Variants in BPIFC observed in about 807,000 individuals in gnomAD.
BPIFC encodes the protein BPI fold-containing family C protein.
A neutral mutation model predicts 57.6 loss-of-function variants in BPIFC; 60 were observed. The ratio of observed to expected loss-of-function variants is 1.04; its 90% CI spans 0.85 to 1.29. The LOEUF is 1.29. Among genes scored for constraint, BPIFC ranks in the 50% most tolerant of loss-of-function variants. BPIFC has a pLI of 0.00. For synonymous variants in BPIFC, 243 were observed against 224.5 expected (o/e 1.08, Z -0.74); for missense variants, 581 against 600.5 (o/e 0.97, Z 0.34).
intron 1 of BPIFC, among the ~76,000 whole-genome samples, chr22:32,464,051 T>C (rs1935211967): frequency 6.6e-6 from 1 of 152,142 alleles, no homozygotes; most frequent in Non-Finnish European, 1.5e-5. Context: ...CCCTCTGAAA[T>C]GGAGGCAAAA....
chr22:32,447,438 G>T, intron 4 of BPIFC, 98 bp from the exon 5 acceptor site: 1 of 1,430,882 alleles, frequency 7.0e-7, no homozygotes. Context: ...TACCATTGAG[G>T]CCATTGTGAA....
In BPIFC at chr22:32,416,058, AAG is replaced by A. The variant is rs1397866204; in HGVS notation, c.1325-69_1325-68del. On this transcript the variant is annotated intron_variant, in intron 15 of 16. Coordinates refer to ENST00000300399, the MANE Select transcript of BPIFC (RefSeq NM_174932.3). ...CAGAGGTTTTAGCAAGCTTTTTAGT[AAG>A]AGACTGACTGACAGCTTGCTTTTTT... 7.0e-6 allele frequency: 7 copies of A among 1,000,520 alleles called. No individual in the cohort carries two copies. In the African/African-American group the frequency reaches 1.2e-4, roughly 18 times the overall value. The allele number at this position is 1,000,520 out of a possible 1,614,324, so 62.0% of individuals were successfully genotyped here. A position where few individuals can be genotyped will look rare whatever the true frequency, so the allele number is the denominator to read the frequency against.
intron 4 of BPIFC, among the ~76,000 whole-genome samples, chr22:32,451,681 G>T (rs1934899652): frequency 6.6e-6 from 1 of 151,772 alleles, no homozygotes; most frequent in South Asian, 2.1e-4. Flanking sequence ...ATGTACCCTA[G>T]AACTTAAAGT....
intron 7 of BPIFC, among the ~76,000 whole-genome samples, chr22:32,443,986 G>A (rs1030471857): frequency 2.4e-4 from 37 of 152,108 alleles, no homozygotes; most frequent in African/African-American, 8.2e-4. Context: ...TTGCATAGCC[G>A]GGATTTGAAC....
intron 8 of BPIFC, among the ~76,000 whole-genome samples, chr22:32,438,659 G>A (rs970748849): frequency 6.6e-6 from 1 of 152,014 alleles, no homozygotes; most frequent in Non-Finnish European, 1.5e-5. Flanking sequence ...CCCAAAGTAC[G>A]GGGATTACAG....
In BPIFC at chr22:32,413,988, T is replaced by C; in HGVS notation, c.*315A>G. On this transcript the variant is annotated 3_prime_UTR_variant, in exon 17 of 17. Transcript: ENST00000300399. Reference sequence around the variant, plus strand: ...GAGAATGACCAATACAAATACAGACTTAGAGTTGCTTACCCACCTGGTCAG... The same window carrying C: ...GAGAATGACCAATACAAATACAGACCTAGAGTTGCTTACCCACCTGGTCAG... 5.2e-6 allele frequency: 1 copy of C among 193,824 alleles called. No individual in the cohort carries two copies. Among genetic ancestry groups the C allele is most frequent in the Non-Finnish European group, 1.0e-5 (1 of 95,582 alleles). The allele number at this position is 193,824 out of a possible 1,614,324, so 12.0% of individuals were successfully genotyped here.
chr22:32,453,300 G>A (rs1458009797), intron 4 of BPIFC, 83 bp downstream of exon 4: 2 of 987,382 alleles, frequency 2.0e-6, no homozygotes, highest in Admixed American at 3.2e-5. Flanking sequence ...GGATTCTGAT[G>A]AAATCGTGGG....
rs1934336440 is a variant in BPIFC, at chr22:32,434,415, T to C, written c.925-643A>G. On this transcript the variant is annotated intron_variant, in intron 10 of 16. Coordinates refer to ENST00000300399, the MANE Select transcript of BPIFC (RefSeq NM_174932.3). ...ACAATCTATGTGTACATATTCTTTA[T>C]ATATATTACAATCTATGTATACATA... Among the ~76,000 whole-genome samples, 3 of 149,358 alleles carry C rather than the reference T, an allele frequency of 2.0e-5. No individual in the cohort carries two copies. In the Admixed American group the frequency reaches 2.0e-4, roughly 10 times the overall value.
At position 32,414,268 on chromosome 22, in the gene BPIFC, C is replaced by G. The variant is rs753983876; in HGVS notation, c.*35G>C. The G allele has an allele frequency of 6.2e-7, 1 of 1,610,232 alleles. No individual in the cohort carries two copies. The highest frequency in any genetic ancestry group is 8.5e-7 in the Non-Finnish European group (1 of 1,177,854). ...TTTACAGTAGTTGTAGGATTAAGGA[C>G]CATTTACTTCCTGGGGTGAATTGCA... On this transcript the variant is annotated 3_prime_UTR_variant, in exon 17 of 17. Transcript: ENST00000300399.
chr22:32,437,764 A>T lies in BPIFC; in HGVS notation c.743T>A (p.Leu248Ter). The T allele has an allele frequency of 6.3e-7, 1 of 1,592,608 alleles. No homozygotes were observed. Among genetic ancestry groups the T allele is most frequent in the Non-Finnish European group, 8.6e-7 (1 of 1,160,564 alleles). ...EITENYLDLN[L>*]KGVFYPLENL... Reference sequence around the variant, plus strand: ...TTCTGATGATGATAAAGTTACCTTCAAGTTCAGGTCAAGGTAGTTCTCAGT... The same window carrying T: ...TTCTGATGATGATAAAGTTACCTTCTAGTTCAGGTCAAGGTAGTTCTCAGT... Residue 248 changes from leucine (L) to a stop codon, truncating the protein, a stop_gained, in exon 9 of 17, where the codon TTG (leucine) becomes TAG (stop). Coordinates refer to ENST00000300399, the MANE Select transcript of BPIFC (RefSeq NM_174932.3). LOFTEE classifies it high-confidence loss of function.
At chr22:32,448,556 C>G (rs1934798091) in intron 4 of BPIFC, among the ~76,000 whole-genome samples, 1 of 152,164 alleles carries the variant, frequency 6.6e-6, no homozygotes, top group South Asian at 2.1e-4. Flanking sequence ...TTGACTTCCC[C>G]TAGGATTCTC....
chr22:32,453,943 A>AACAAC (rs200328832), intron 3 of BPIFC, among the ~76,000 whole-genome samples: 3 of 83,070 alleles, frequency 3.6e-5, no homozygotes, highest in Non-Finnish European at 8.1e-5. Flanking sequence ...CAACAACAAC[A>AACAAC]AAAAAAAAAA....
At chr22:32,436,371 G>C (rs1003405461) in intron 9 of BPIFC, among the ~76,000 whole-genome samples, 1 of 98,936 alleles carries the variant, frequency 1.0e-5, no homozygotes, top group African/African-American at 3.6e-5. Flanking sequence ...GGAGGAGGAG[G>C]AGGAGGAAGA....
intron 13 of BPIFC, among the ~76,000 whole-genome samples, chr22:32,424,574 T>TTTCTTCTTCTACTTCTTC (rs1379670000): frequency 1.5e-5 from 1 of 68,964 alleles, no homozygotes; most frequent in East Asian, 4.7e-4. Flanking sequence ...TGTTATTTTC[T>TTTCTTCTTCTACTTCTTC]TTCTTCTTCT....
chr22:32,442,112 G>A (rs1416953782), intron 8 of BPIFC, among the ~76,000 whole-genome samples: 9 of 152,200 alleles, frequency 5.9e-5, no homozygotes, highest in Admixed American at 5.2e-4. Context: ...AGGAATGAAA[G>A]GATGGAGGAG....
intron 9 of BPIFC, among the ~76,000 whole-genome samples, chr22:32,436,394 A>AAG (rs1556041027): frequency 1.4e-5 from 2 of 138,376 alleles, no homozygotes; most frequent in Non-Finnish European, 1.5e-5. Flanking sequence ...AGGAGGAGGA[A>AAG]GAGGAGGAGG....
intron 2 of BPIFC, among the ~76,000 whole-genome samples, chr22:32,459,389 C>T (rs1021975879): frequency 2.0e-5 from 3 of 152,226 alleles, no homozygotes; most frequent in East Asian, 1.9e-4. Flanking sequence ...TAAGGCTGGG[C>T]ACGGTGGCTC....
intron 13 of BPIFC, among the ~76,000 whole-genome samples, chr22:32,426,410 C>T (rs564683004): frequency 1.3e-5 from 2 of 152,332 alleles, no homozygotes; most frequent in South Asian, 2.1e-4. Context: ...CATTTCAACA[C>T]AGCCTTGGCT....
chr22:32,427,084 A>G (rs1543320), intron 13 of BPIFC, among the ~76,000 whole-genome samples: 76,168 of 151,848 alleles, frequency 0.5, 20,388 homozygotes, highest in African/African-American at 0.72. Flanking sequence ...AACAAGCCAG[A>G]GGTCCTAATT....
Sources: allele counts gnomAD v4.1 joint callset (sites outside exome capture counted in the v4.1 genomes callset), GRCh38; gene constraint gnomAD v4.1.1; transcripts MANE v1.5; gene names NCBI Gene and HGNC (gene_info 2026-07-23, HGNC 2026-07-21).